The following COMMD7 variants were observed in gnomAD, a reference collection of about 807,000 sequenced individuals.
COMMD7 encodes COMM domain containing 7, also known as COMM domain-containing protein 7.
A neutral mutation model predicts 34.8 loss-of-function variants in COMMD7; 28 were observed. That is an observed-to-expected ratio of 0.80 (90% confidence interval 0.60 to 1.10). The LOEUF (loss-of-function observed/expected upper bound fraction) is 1.10. Among genes scored for constraint, COMMD7 ranks in the 50% least tolerant of loss-of-function variants. The probability of loss-of-function intolerance (pLI) is 0.00; values close to 1 mark genes in which losing one functional copy is unlikely to be tolerated. For synonymous variants in COMMD7, 80 were observed against 86.4 expected, an observed-to-expected ratio of 0.93 and a Z score of 0.41; for missense variants, 211 against 241.6, an observed-to-expected ratio of 0.87 and a Z score of 0.84.
At chr20:32,735,131 G>A (rs530287892) in intron 1 of COMMD7, among the ~76,000 whole-genome samples, 2 of 150,880 alleles carry the variant, frequency 1.3e-5, no homozygotes, top group Non-Finnish European at 3.0e-5. Context: ...CCAGCTACTT[G>A]GGAGGCTGAG....
intron 1 of COMMD7, among the ~76,000 whole-genome samples, chr20:32,739,186 G>T (rs2145790195): frequency 6.6e-6 from 1 of 152,230 alleles, no homozygotes; most frequent in African/African-American, 2.4e-5. Context: ...ATAATAAGTG[G>T]CTGGGTGCAG....
intron 1 of COMMD7, among the ~76,000 whole-genome samples, chr20:32,732,281 G>A (rs1985883327): frequency 2.0e-5 from 3 of 152,026 alleles, no homozygotes; most frequent in Admixed American, 2.0e-4. Flanking sequence ...TGTAGAGACA[G>A]GGTCTCACAA....
Position 32,727,894 on chromosome 20 carries a change from A to G in COMMD7, c.240T>C (p.Asn80=). The part of the protein sequence containing the change: ...SIVKSLLLVP[N]GALKKSLTAK... ...CAGCTGCTAAGAGAGGTTACTCACC[A>G]TTTGGAACCAGAAGGAGGCTTTTCA... The change falls in exon 3 of 9, where the codon AAT becomes AAC. Residue 80 remains asparagine (N), a splice_region_variant and synonymous_variant. Transcript: ENST00000278980. 6.2e-7 allele frequency: 1 copy of G among 1,609,896 alleles called. No homozygotes were observed. Among genetic ancestry groups the G allele is most frequent in the South Asian group, 1.1e-5 (1 of 90,982 alleles).
chr20:32,733,132 T>C (rs937516367), intron 1 of COMMD7, among the ~76,000 whole-genome samples: 2 of 145,604 alleles, frequency 1.4e-5, no homozygotes, highest in African/African-American at 5.1e-5. Context: ...GCAGAATTAC[T>C]TCAACCCAGG....
At chr20:32,718,296 C>T (rs1044638291) in intron 3 of COMMD7, among the ~76,000 whole-genome samples, 3 of 151,714 alleles carry the variant, frequency 2.0e-5, no homozygotes, top group African/African-American at 2.4e-5. Context: ...CCCAGCTACT[C>T]GGGAGGTTGA....
intron 3 of COMMD7, among the ~76,000 whole-genome samples, chr20:32,722,975 C>T (rs1450978763): frequency 2.7e-5 from 4 of 145,802 alleles, no homozygotes; most frequent in African/African-American, 7.6e-5. Context: ...GCTGAGATCA[C>T]GCCACTGCAC....
chr20:32,740,358 G>A (rs898137831), intron 1 of COMMD7, among the ~76,000 whole-genome samples: 6 of 151,740 alleles, frequency 4.0e-5, no homozygotes, highest in East Asian at 1.9e-4. Context: ...AAGATGTGCC[G>A]TAAGTGTAAA....
intron 1 of COMMD7, among the ~76,000 whole-genome samples, chr20:32,733,105 G>A (rs1248949719): frequency 6.7e-6 from 1 of 150,286 alleles, no homozygotes; most frequent in Non-Finnish European, 1.5e-5. Flanking sequence ...GCATGGTGGC[G>A]GGCGCCTGTA....
intron 1 of COMMD7, among the ~76,000 whole-genome samples, chr20:32,734,024 TA>T (rs1019994431): frequency 7.5e-6 from 1 of 133,602 alleles, no homozygotes; most frequent in Non-Finnish European, 1.6e-5. Flanking sequence ...AAATAAAAAA[TA>T]AAAAAATTAG....
At chr20:32,725,492 G>A (rs568694538) in intron 3 of COMMD7, among the ~76,000 whole-genome samples, 12 of 144,244 alleles carry the variant, frequency 8.3e-5, no homozygotes, top group South Asian at 2.2e-4. Context: ...GCAGTGGCAC[G>A]GTCTCAGCTC....
chr20:32,713,033 C>CTTTCT (rs1984567802), intron 3 of COMMD7, among the ~76,000 whole-genome samples: 1 of 149,174 alleles, frequency 6.7e-6, no homozygotes, highest in South Asian at 2.1e-4. Context: ...TGCCCGTCCT[C>CTTTCT]TTTCTTTTTT....
At chr20:32,738,457 C>G (rs1986262502) in intron 1 of COMMD7, among the ~76,000 whole-genome samples, 1 of 152,094 alleles carries the variant, frequency 6.6e-6, no homozygotes, top group Admixed American at 6.6e-5. Flanking sequence ...CATGGTGGTG[C>G]ACGCCTGTAG....
chr20:32,703,028 ATGT>A lies in COMMD7; in HGVS notation c.*351_*353del. The stretch of plus-strand genomic sequence containing the variant: ...GCTTTTTGGGAGGAGGGTGATCAGC[ATGT>A]TATCTTGAATGATGGCACCATTTGT... On this transcript the variant is annotated 3_prime_UTR_variant, in exon 9 of 9. Coordinates refer to ENST00000278980, the MANE Select transcript of COMMD7 (RefSeq NM_053041.3). The A allele has an allele frequency of 5.1e-6, 1 of 197,988 alleles. No homozygotes were observed. The highest frequency in any genetic ancestry group is 1.0e-5 in the Non-Finnish European group (1 of 96,936). The allele number at this position is 197,988 out of a possible 1,614,324, so 12.3% of individuals were successfully genotyped here.
intron 5 of COMMD7, 137 bp downstream of exon 5, chr20:32,706,446 G>C: frequency 1.5e-6 from 1 of 667,926 alleles, no homozygotes; most frequent in South Asian, 1.9e-5. Context: ...CCGAGAGGCA[G>C]AGGTTGTGGT....
rs1286774243 is a variant in COMMD7 at position 32,743,440 on chromosome 20, A to G, written c.-49T>C. 8.0e-7 allele frequency: 1 copy of G among 1,247,304 alleles called. No homozygotes were observed. Among genetic ancestry groups the G allele is most frequent in the Non-Finnish European group, 1.0e-6 (1 of 980,740 alleles). The allele number at this position is 1,247,304 out of a possible 1,614,324, so 77.3% of individuals were successfully genotyped here. A position where few individuals can be genotyped will look rare whatever the true frequency, so the allele number is the denominator to read the frequency against. Reference sequence around the variant, plus strand: ...TTCCACCGCCGCCGCCGCCCTGCTCAGCTTCCTCCTCCGCTGCCGCTGCCA... The same window carrying G: ...TTCCACCGCCGCCGCCGCCCTGCTCGGCTTCCTCCTCCGCTGCCGCTGCCA... On this transcript the variant is annotated 5_prime_UTR_variant, in exon 1 of 9. Transcript: ENST00000278980.
At chr20:32,728,276 T>C in intron 1 of COMMD7, 134 bp from the exon 2 acceptor site, 1 of 764,002 alleles carries the variant, frequency 1.3e-6, no homozygotes, top group Non-Finnish European at 2.2e-6. Flanking sequence ...GATCATCCTA[T>C]AGTTACAAAT....
intron 5 of COMMD7, among the ~76,000 whole-genome samples, chr20:32,706,186 G>A (rs1187163684): frequency 1.0e-4 from 15 of 145,902 alleles, no homozygotes; most frequent in African/African-American, 3.5e-4. Context: ...CAACGAGAGC[G>A]AAACTCTGTC....
At position 32,723,270 on chromosome 20, in the gene COMMD7, GAGTGCCTGCGATTGC is replaced by G. The variant is rs1192915016; in HGVS notation, c.241+4608_241+4622del. Among the ~76,000 whole-genome samples, 160 of 33,380 alleles carry G rather than the reference GAGTGCCTGCGATTGC, an allele frequency of 4.8e-3. 24 individuals carry two copies. Among genetic ancestry groups the G allele is most frequent in the African/African-American group, 0.017 (149 of 8,862 alleles). The allele number at this position is 33,380 out of a possible 152,430, so 21.9% of individuals were successfully genotyped here. A position where few individuals can be genotyped will look rare whatever the true frequency, so the allele number is the denominator to read the frequency against. ...CCTGATTCTCCTGCCTCAGCCTGCC[GAGTGCCTGCGATTGC>G]AGGCACGCGCCGCCACGCCTGACTG... On this transcript the variant is annotated intron_variant, in intron 3 of 8. Transcript: ENST00000278980.
chr20:32,703,533 C>T (rs1293270068), intron 8 of COMMD7, 75 bp from the exon 9 acceptor site: 14 of 1,554,028 alleles, frequency 9.0e-6, no homozygotes, highest in South Asian at 1.2e-5. Context: ...AATTTCCACC[C>T]GGAGGATTTT....
Sources: allele counts gnomAD v4.1 joint callset (sites outside exome capture counted in the v4.1 genomes callset), GRCh38; gene constraint gnomAD v4.1.1; transcripts MANE v1.5; gene names NCBI Gene and HGNC (gene_info 2026-07-23, HGNC 2026-07-21).